Variants in DNMBP observed in about 807,000 individuals in gnomAD.
DNMBP encodes dynamin-binding protein.
In DNMBP, 87 loss-of-function variants were observed where a neutral mutation model predicts 150.0. The ratio of observed to expected loss-of-function variants is 0.58; its 90% CI spans 0.49 to 0.69. The LOEUF is 0.69. Among genes scored for constraint, DNMBP ranks in the 30% least tolerant of loss-of-function variants. The pLI is 0.00. For missense variants in DNMBP, 1,774 were observed against 1,949.0 expected (o/e 0.91, Z 1.69); for synonymous variants, 711 against 750.4 (o/e 0.95, Z 0.86).
At chr10:99,900,317 T>TGC (rs2039720411) in intron 6 of DNMBP, among the ~76,000 whole-genome samples, 2 of 152,326 alleles carry the variant, frequency 1.3e-5, no homozygotes, top group Admixed American at 6.5e-5. Context: ...AGGGTCTCTG[T>TGC]CACCCAGGCT....
intron 10 of DNMBP, among the ~76,000 whole-genome samples, chr10:99,895,567 CTTT>C (rs1271598863): frequency 6.6e-6 from 1 of 152,232 alleles, no homozygotes. Flanking sequence ...TTTAAACCTT[CTTT>C]GCAAGCCCTC....
intron 15 of DNMBP, among the ~76,000 whole-genome samples, chr10:99,883,021 T>G (rs2039393915): frequency 6.6e-6 from 1 of 152,230 alleles, no homozygotes; most frequent in Non-Finnish European, 1.5e-5. Context: ...CACTCTAGCC[T>G]GGGTGACAGA....
intron 4 of DNMBP, among the ~76,000 whole-genome samples, chr10:99,948,677 C>T (rs919831248): frequency 6.6e-6 from 1 of 152,016 alleles, no homozygotes; most frequent in African/African-American, 2.4e-5. Flanking sequence ...AAAATAAAAA[C>T]CAAAGCTGGG....
At chr10:99,910,325 T>C (rs2039884105) in intron 4 of DNMBP, among the ~76,000 whole-genome samples, 1 of 152,182 alleles carries the variant, frequency 6.6e-6, no homozygotes, top group African/African-American at 2.4e-5. Flanking sequence ...GCAGATCACT[T>C]GAGGTCAGGA....
chr10:99,970,969 C>G (rs1354840350), intron 2 of DNMBP, among the ~76,000 whole-genome samples: 1 of 19,108 alleles, frequency 5.2e-5, no homozygotes, highest in East Asian at 1.1e-3. Context: ...AAGACTCCGT[C>G]TCAAAAAAAA....
chr10:99,965,811 G>A (rs1205605822), intron 3 of DNMBP, among the ~76,000 whole-genome samples: 4 of 151,926 alleles, frequency 2.6e-5, no homozygotes, highest in Non-Finnish European at 5.9e-5. Context: ...ATACTCTTAA[G>A]GTTTCCAAAT....
Position 99,956,147 on chromosome 10 carries a change from A to C in DNMBP, c.1327T>G (p.Tyr443Asp), listed in dbSNP as rs757536582. 6 of 1,614,096 alleles carry C rather than the reference A, an allele frequency of 3.7e-6. No homozygotes were observed. The highest frequency in any genetic ancestry group is 5.1e-6 in the Non-Finnish European group (6 of 1,179,994). Residue 443 changes from tyrosine to aspartate, a missense_variant, in exon 4 of 17, where the codon TAC becomes GAC. Tyr to Asp is a radical substitution (Grantham distance 160). This residue lies in a region of DNMBP where 1,430 missense variants were observed against 1,492.5 expected (regional missense o/e 0.96). Coordinates refer to ENST00000324109, the MANE Select transcript of DNMBP (RefSeq NM_015221.4). Reference protein sequence around the residue: ...VGGSHPHSEQYPDLLPLEART... With the variant: ...VGGSHPHSEQDPDLLPLEART... ...GCTTCTAGGGGAAGAAGGTCGGGGTACTGTTCTGAGTGCGGGTGGCTCCCT... is the reference window on the plus strand; with the variant it reads ...GCTTCTAGGGGAAGAAGGTCGGGGTCCTGTTCTGAGTGCGGGTGGCTCCCT...
At chr10:99,883,501 A>C (rs191304354) in intron 15 of DNMBP, among the ~76,000 whole-genome samples, 37 of 152,032 alleles carry the variant, frequency 2.4e-4, no homozygotes, top group Admixed American at 2.4e-3. Context: ...TAATATCTAT[A>C]AAATTATTAA....
intron 3 of DNMBP, among the ~76,000 whole-genome samples, chr10:99,959,877 A>C (rs571422266): frequency 2.2e-4 from 33 of 148,062 alleles, no homozygotes; most frequent in East Asian, 3.9e-4. Context: ...CAAAAAAAAA[A>C]CAAATCTTTA....
intron 4 of DNMBP, among the ~76,000 whole-genome samples, chr10:99,932,174 T>C (rs2133288776): frequency 6.6e-6 from 1 of 152,350 alleles, no homozygotes; most frequent in Non-Finnish European, 1.5e-5. Flanking sequence ...TATCTAGGAA[T>C]GATTCCTTGA....
At chr10:99,944,116 G>A (rs984560443) in intron 4 of DNMBP, among the ~76,000 whole-genome samples, 5 of 152,126 alleles carry the variant, frequency 3.3e-5, no homozygotes, top group African/African-American at 4.8e-5. Flanking sequence ...ATGGGGTTCC[G>A]GAACTGACCC....
In DNMBP at chr10:99,993,526, G is replaced by T. The variant is rs529280167; in HGVS notation, c.-11+16312C>A. 5.3e-5 allele frequency among the ~76,000 whole-genome samples: 8 copies of T among 152,320 alleles called. No individual in the cohort carries two copies. The South Asian group carries it at 1.2e-3, about 24-fold the overall frequency. ...ACACAAAATAGTGAAGGCAGGCCAGGCATGTTGGCTCATGCCTGTAATCCC... is the reference window on the plus strand; with the variant it reads ...ACACAAAATAGTGAAGGCAGGCCAGTCATGTTGGCTCATGCCTGTAATCCC... On this transcript the variant is annotated intron_variant, in intron 1 of 16. Coordinates refer to ENST00000324109, the MANE Select transcript of DNMBP (RefSeq NM_015221.4).
chr10:99,964,883 AAAAT>A (rs1246704968), intron 3 of DNMBP, among the ~76,000 whole-genome samples: 6 of 127,654 alleles, frequency 4.7e-5, no homozygotes, highest in African/African-American at 1.9e-4. Flanking sequence ...GGAAAAAAAA[AAAAT>A]ATATATATAT....
intron 4 of DNMBP, among the ~76,000 whole-genome samples, chr10:99,943,856 C>G (rs370422838): frequency 1.3e-5 from 2 of 152,216 alleles, no homozygotes; most frequent in South Asian, 4.1e-4. Flanking sequence ...CCATATCAGT[C>G]ATTCTCCAGC....
At chr10:99,965,528 G>A (rs1481350515) in intron 3 of DNMBP, among the ~76,000 whole-genome samples, 4 of 133,360 alleles carry the variant, frequency 3.0e-5, no homozygotes, top group Admixed American at 1.7e-4. Flanking sequence ...ATGGAGTTTC[G>A]CTCTTGTTGC....
chr10:99,996,955 T>C (rs1381095777), intron 1 of DNMBP, among the ~76,000 whole-genome samples: 1 of 152,152 alleles, frequency 6.6e-6, no homozygotes, highest in Non-Finnish European at 1.5e-5. Flanking sequence ...TTGAACAACA[T>C]CTAGACACTG....
At chr10:99,920,338 G>A (rs2040009583) in intron 4 of DNMBP, among the ~76,000 whole-genome samples, 1 of 152,230 alleles carries the variant, frequency 6.6e-6, no homozygotes, top group East Asian at 1.9e-4. Flanking sequence ...GCCTCCCAAA[G>A]TGCTGGGACT....
At chr10:100,006,326 G>A (rs545795180) in intron 1 of DNMBP, among the ~76,000 whole-genome samples, 2 of 152,206 alleles carry the variant, frequency 1.3e-5, no homozygotes, top group East Asian at 3.9e-4. Context: ...CTCTTCCCAC[G>A]CAATCCTCTT....
At chr10:100,005,092 G>A (rs2041053907) in intron 1 of DNMBP, among the ~76,000 whole-genome samples, 1 of 152,150 alleles carries the variant, frequency 6.6e-6, no homozygotes, top group Non-Finnish European at 1.5e-5. Flanking sequence ...ACCATGGATA[G>A]CTGGAAAGAG....
Sources: gnomAD v4.1 joint callset for allele counts (sites outside exome capture counted in the v4.1 genomes callset) on GRCh38, gnomAD v4.1.1 for gene constraint, gnomAD v4.1.1 regional missense constraint, MANE v1.5 for transcripts, NCBI Gene and HGNC (gene_info 2026-07-23, HGNC 2026-07-21) for gene names.